WDTC1: variants seen among roughly 807,000 people sequenced by gnomAD.
WDTC1 encodes WD and tetratricopeptide repeats 1.
WDTC1 carries 12 observed loss-of-function variants against 76.0 expected under a neutral mutation model. The ratio of observed to expected loss-of-function variants is 0.16; its 90% CI spans 0.10 to 0.26. The LOEUF is 0.26. Among genes scored for constraint, WDTC1 ranks in the 10% least tolerant of loss-of-function variants. WDTC1 has a pLI of 1.00. For missense variants in WDTC1, 511 were observed against 908.8 expected (o/e 0.56, Z 5.63); for synonymous variants, 326 against 350.8 (o/e 0.93, Z 0.79).
At chr1:27,282,368 C>A in intron 4 of WDTC1, 83 bp downstream of exon 4, 2 of 1,413,958 alleles carry the variant, frequency 1.4e-6, no homozygotes, top group Non-Finnish European at 2.0e-6. Context: ...TGAGAGGATC[C>A]AAGGAAAAGA....
At chr1:27,282,997 G>C (rs2013231673) in intron 4 of WDTC1, among the ~76,000 whole-genome samples, 2 of 151,854 alleles carry the variant, frequency 1.3e-5, no homozygotes, top group South Asian at 2.1e-4. Context: ...AATTAGCCGG[G>C]TGTGGTGGCG....
At chr1:27,299,592 T>C (rs1262941644) in intron 12 of WDTC1, among the ~76,000 whole-genome samples, 1 of 151,956 alleles carries the variant, frequency 6.6e-6, no homozygotes, top group Non-Finnish European at 1.5e-5. Context: ...AGCAAATCCA[T>C]TTGGCTGGAG....
intron 1 of WDTC1, among the ~76,000 whole-genome samples, chr1:27,252,352 CA>C (rs1354542683): frequency 6.6e-6 from 1 of 151,822 alleles, no homozygotes; most frequent in East Asian, 1.9e-4. Flanking sequence ...GATCCTGTCT[CA>C]AAAAACAAAA....
intron 3 of WDTC1, among the ~76,000 whole-genome samples, chr1:27,273,849 AG>A (rs1446521106): frequency 6.6e-6 from 1 of 151,598 alleles, no homozygotes; most frequent in East Asian, 1.9e-4. Flanking sequence ...GTGCGTGTGT[AG>A]AGAGAGAGAA....
At chr1:27,281,042 AT>A (rs2013172072) in intron 3 of WDTC1, among the ~76,000 whole-genome samples, 2 of 151,738 alleles carry the variant, frequency 1.3e-5, no homozygotes, top group South Asian at 4.2e-4. Flanking sequence ...CTCTGACCTA[AT>A]TTACCTTACT....
chr1:27,236,625 T>G lies in WDTC1; in HGVS notation c.-100+1674T>G, dbSNP rs1294276758. On this transcript the variant is annotated intron_variant, in intron 1 of 15. Coordinates refer to ENST00000319394, the MANE Select transcript of WDTC1 (RefSeq NM_001276252.2). ...TTTACCAGTTTCATACAATTGACAG[T>G]TTTTTTTAGCCGGGAGGAGTTCAGT... Among the ~76,000 whole-genome samples the G allele has an allele frequency of 2.0e-5, 3 of 151,790 alleles. No individual in the cohort carries two copies. In the South Asian group the frequency reaches 6.2e-4, roughly 32 times the overall value.
intron 12 of WDTC1, among the ~76,000 whole-genome samples, chr1:27,298,969 G>A (rs551137890): frequency 1.3e-5 from 2 of 152,290 alleles, no homozygotes; most frequent in African/African-American, 4.8e-5. Context: ...TGGGGAAGAT[G>A]CTGTCCCCCG....
chr1:27,245,380 G>A (rs746960165), intron 1 of WDTC1, among the ~76,000 whole-genome samples: 1 of 151,598 alleles, frequency 6.6e-6, no homozygotes, highest in African/African-American at 2.4e-5. Context: ...AGACCAGTGG[G>A]ATCAATGGAT....
At chr1:27,288,495 C>T (rs887960055) in intron 6 of WDTC1, among the ~76,000 whole-genome samples, 2 of 151,974 alleles carry the variant, frequency 1.3e-5, no homozygotes, top group African/African-American at 2.4e-5. Flanking sequence ...GAGGACCCTG[C>T]GGCCCTCTGC....
At chr1:27,254,044 A>G (rs2012190228) in intron 1 of WDTC1, among the ~76,000 whole-genome samples, 1 of 152,148 alleles carries the variant, frequency 6.6e-6, no homozygotes, top group Non-Finnish European at 1.5e-5. Flanking sequence ...ATTTAAGGGT[A>G]TTTCCTTCCC....
chr1:27,253,563 T>C (rs1255291862), intron 1 of WDTC1, among the ~76,000 whole-genome samples: 2 of 150,734 alleles, frequency 1.3e-5, no homozygotes, highest in African/African-American at 4.9e-5. Context: ...TTCAGGCTGG[T>C]TTCGAAGTCC....
chr1:27,271,409 T>G (rs927168652), intron 3 of WDTC1, among the ~76,000 whole-genome samples: 1 of 151,756 alleles, frequency 6.6e-6, no homozygotes, highest in African/African-American at 2.4e-5. Context: ...GAGACAAGGT[T>G]TCACTATGTT....
rs370616800 is a variant in WDTC1, at chr1:27,297,925, A to C, written c.1059-13A>C. 2 of 1,602,776 alleles carry C rather than the reference A, an allele frequency of 1.2e-6. No individual in the cohort carries two copies. Among genetic ancestry groups the C allele is most frequent in the South Asian group, 2.2e-5 (2 of 90,058 alleles). On this transcript the variant is annotated splice_polypyrimidine_tract_variant and intron_variant, in intron 11 of 15. Coordinates refer to ENST00000319394, the MANE Select transcript of WDTC1 (RefSeq NM_001276252.2). ...TCTTTGACTGTTCTGACTTGGCTCTATTTCCCCTGCAGCCCCCAAGTAGAG... is the reference window on the plus strand; with the variant it reads ...TCTTTGACTGTTCTGACTTGGCTCTCTTTCCCCTGCAGCCCCCAAGTAGAG...
At position 27,308,567 on chromosome 1, in the gene WDTC1, A is replaced by ATG. The variant is rs1191811008; in HGVS notation, c.*2194_*2195dup. On this transcript the variant is annotated 3_prime_UTR_variant, in exon 16 of 16. Transcript: ENST00000319394. ...AATATACACATGATTACTTGTAGAT[A>ATG]TGTGTGTGTGTATATATATATAAAA... The ATG allele has an allele frequency of 2.6e-5, 4 of 152,138 alleles. No individual in the cohort carries two copies. Among genetic ancestry groups the ATG allele is most frequent in the South Asian group, 4.2e-4 (2 of 4,816 alleles). 9.4% of individuals were successfully genotyped at this position (152,138 alleles called of 1,614,324 possible). A position where few individuals can be genotyped will look rare whatever the true frequency, so the allele number is the denominator to read the frequency against.
Position 27,294,018 on chromosome 1 carries a change from C to A in WDTC1, c.663-4C>A. On this transcript the variant is annotated splice_polypyrimidine_tract_variant and splice_region_variant and intron_variant, in intron 7 of 15. Coordinates refer to ENST00000319394, the MANE Select transcript of WDTC1 (RefSeq NM_001276252.2). ...TTAACCTATATGATTTTCCTTCCCA[C>A]CAGAAAGAGCATGAAGCAGAGCCCT... 6.2e-7 allele frequency: 1 copy of A among 1,613,678 alleles called. No individual in the cohort carries two copies. Among genetic ancestry groups the A allele is most frequent in the Non-Finnish European group, 8.5e-7 (1 of 1,179,730 alleles).
rs1557511298 is a variant in WDTC1 at position 27,303,716 on chromosome 1, C to T, written c.1564C>T (p.Arg522Ter). The change falls in exon 14 of 16, where the codon CGA becomes TGA. Residue 522 changes from arginine (R) to a stop codon, truncating the protein, a stop_gained. Transcript: ENST00000319394. LOFTEE classifies it high-confidence loss of function. The surrounding 1 kb of genome is among the most constrained non-coding windows in gnomAD (Gnocchi z 4.8). Reference protein sequence around the residue: ...ISEDEMVLRERSYDYQFRYCG... With the variant: ...ISEDEMVLRE ...AGAGGATGAAATGGTGCTGCGGGAG[C>T]GAAGCTACGACTATCAGTTCCGCTA... 1 of 1,614,034 alleles carries T rather than the reference C, an allele frequency of 6.2e-7. No homozygotes were observed. The highest frequency in any genetic ancestry group is 8.5e-7 in the Non-Finnish European group (1 of 1,179,950).
chr1:27,303,586 C>G lies in WDTC1; in HGVS notation c.1469-35C>G. The G allele has an allele frequency of 6.4e-7, 1 of 1,555,606 alleles. No homozygotes were observed. Among genetic ancestry groups the G allele is most frequent in the Middle Eastern group, 1.7e-4 (1 of 5,830 alleles). ...GAAAATAGGGAAGGAGAGAAAGGAACAAGGCGCTTACCTTTTCTGGATCTC... is the reference window on the plus strand; with the variant it reads ...GAAAATAGGGAAGGAGAGAAAGGAAGAAGGCGCTTACCTTTTCTGGATCTC... On this transcript the variant is annotated intron_variant, in intron 13 of 15. Coordinates refer to ENST00000319394, the MANE Select transcript of WDTC1 (RefSeq NM_001276252.2). This position sits in a 1 kb window ranked among gnomAD's most constrained non-coding sequence, Gnocchi z 4.8.
intron 3 of WDTC1, among the ~76,000 whole-genome samples, chr1:27,264,157 G>A (rs2012582119): frequency 6.6e-6 from 1 of 152,134 alleles, no homozygotes; most frequent in African/African-American, 2.4e-5. Context: ...GCATGGTGGT[G>A]CATGCCTGTA....
rs774777317 is a variant in WDTC1, at chr1:27,261,094, C to A, written c.40C>A (p.Gln14Lys). Reference sequence around the variant, plus strand: ...CATAACTAGAGACCTCATCCGTAGGCAGATCAAGGTAAGCAGCCCAGACTT... The same window carrying A: ...CATAACTAGAGACCTCATCCGTAGGAAGATCAAGGTAAGCAGCCCAGACTT... ...VNITRDLIRR[Q>K]IKERGALSFE... is the part of the protein sequence containing the mutation. The change falls in exon 2 of 16, where the codon CAG (glutamine) becomes AAG (lysine). Residue 14 changes from glutamine (Q) to lysine (K), a missense_variant. Transcript: ENST00000319394. The A allele has an allele frequency of 8.1e-6, 13 of 1,613,944 alleles. No homozygotes were observed. The highest frequency in any genetic ancestry group is 1.1e-5 in the Non-Finnish European group (13 of 1,179,974).
Sources: gnomAD v4.1 joint callset for allele counts (sites outside exome capture counted in the v4.1 genomes callset) on GRCh38, gnomAD v4.1.1 for gene constraint, Gnocchi (gnomAD v3.1) non-coding constraint, MANE v1.5 for transcripts, NCBI Gene and HGNC (gene_info 2026-07-23, HGNC 2026-07-21) for gene names.